EFR3B: variants seen among roughly 807,000 people sequenced by gnomAD.
The protein encoded by EFR3B is EFR3 homolog B.
Under a neutral mutation model 104.7 loss-of-function variants are expected in EFR3B, and 64 were observed. The ratio of observed to expected loss-of-function variants is 0.61; its 90% CI spans 0.50 to 0.75. The LOEUF (loss-of-function observed/expected upper bound fraction) is 0.75. EFR3B is among the 30% of genes least tolerant of loss of function. The pLI is 0.00. For missense variants in EFR3B, 750 were observed against 1,078.5 expected (o/e 0.70, Z 4.27); for synonymous variants, 385 against 417.9 (o/e 0.92, Z 0.96).
In EFR3B at chr2:25,121,538, T is replaced by G. The variant is rs574721347; in HGVS notation, c.364-135T>G. ...GGGAACTCATCTCCCCAGTGTGCTC[T>G]GCAAGGCCGGCCAAGCTGGCTCCAG... On this transcript the variant is annotated intron_variant, in intron 4 of 22. Transcript: ENST00000403714. 4 of 1,100,002 alleles carry G rather than the reference T, an allele frequency of 3.6e-6. No homozygotes were observed. In the African/African-American group the frequency reaches 6.2e-5, roughly 17 times the overall value. 68.1% of individuals were successfully genotyped at this position (1,100,002 alleles called of 1,614,324 possible). A position where few individuals can be genotyped will look rare whatever the true frequency, so the allele number is the denominator to read the frequency against.
intron 18 of EFR3B, 147 bp downstream of exon 18, chr2:25,144,009 G>T: frequency 8.2e-7 from 1 of 1,221,408 alleles, no homozygotes. Flanking sequence ...GGAAATTTAT[G>T]GTGAGGTCCT....
At chr2:25,083,159 G>C (rs1018086694) in intron 1 of EFR3B, among the ~76,000 whole-genome samples, 6 of 152,166 alleles carry the variant, frequency 3.9e-5, no homozygotes, top group African/African-American at 1.4e-4. Context: ...CTTAAAATAG[G>C]TATGAAAATA....
chr2:25,116,707 A>G (rs1432874518), intron 4 of EFR3B, among the ~76,000 whole-genome samples: 1 of 151,730 alleles, frequency 6.6e-6, no homozygotes, highest in Non-Finnish European at 1.5e-5. Flanking sequence ...CCAGGGACTC[A>G]TGGAGCCGCA....
intron 1 of EFR3B, among the ~76,000 whole-genome samples, chr2:25,047,215 A>G (rs541192687): frequency 1.6e-3 from 247 of 152,248 alleles, no homozygotes; most frequent in Non-Finnish European, 2.6e-3. Flanking sequence ...TATGACATCA[A>G]TTACCGCTCT....
intron 1 of EFR3B, among the ~76,000 whole-genome samples, chr2:25,091,081 C>T (rs547876524): frequency 6.6e-6 from 1 of 152,078 alleles, no homozygotes; most frequent in Non-Finnish European, 1.5e-5. Flanking sequence ...CTGTGCCCAA[C>T]CCCCAAGCAA....
rs1403824258 is a variant in EFR3B, at chr2:25,154,216, A to G, written c.2349-19A>G. ...ATTCTCTTTTCATGCCTTTCTCCCC[A>G]TGTGTTCCTGCCCCCTAGGCCCCCA... On this transcript the variant is annotated intron_variant, in intron 22 of 22. Transcript: ENST00000403714. This position sits in a 1 kb window ranked among gnomAD's most constrained non-coding sequence, Gnocchi z 4.1. 1.9e-6 allele frequency: 3 copies of G among 1,550,120 alleles called. No individual in the cohort carries two copies. The highest frequency in any genetic ancestry group is 2.7e-5 in the African/African-American group (2 of 72,978).
intron 1 of EFR3B, among the ~76,000 whole-genome samples, chr2:25,053,590 G>A (rs1190870469): frequency 6.6e-6 from 1 of 152,134 alleles, no homozygotes; most frequent in African/African-American, 2.4e-5. Context: ...CTGCTCTTCT[G>A]ATGGTTTGGG....
chr2:25,143,249 G>C (rs1417312199), intron 17 of EFR3B, among the ~76,000 whole-genome samples: 2 of 152,128 alleles, frequency 1.3e-5, no homozygotes, highest in African/African-American at 4.8e-5. Flanking sequence ...GGATGTGATT[G>C]TTGTACATAA....
intron 10 of EFR3B, among the ~76,000 whole-genome samples, chr2:25,132,685 A>C (rs1670383778): frequency 6.6e-6 from 1 of 151,404 alleles, no homozygotes; most frequent in Non-Finnish European, 1.5e-5. Context: ...CCTCAGGAAC[A>C]AGTGAAAAAA....
chr2:25,146,354 T>C (rs3731634), intron 19 of EFR3B: 4,888 of 152,184 alleles, frequency 0.032, 352 homozygotes, highest in East Asian at 0.31. Flanking sequence ...ACTTCATTTA[T>C]TGGGGCAGAT....
chr2:25,089,861 G>T (rs1669064744), intron 1 of EFR3B, among the ~76,000 whole-genome samples: 1 of 152,022 alleles, frequency 6.6e-6, no homozygotes. Flanking sequence ...TGGTGGAGGG[G>T]ATCACAAATA....
chr2:25,081,590 T>A, intron 1 of EFR3B: 1 of 849,504 alleles, frequency 1.2e-6, no homozygotes. Context: ...AATCCATAAC[T>A]TCCTAGAGCC....
intron 1 of EFR3B, among the ~76,000 whole-genome samples, chr2:25,059,434 A>T (rs1668118038): frequency 6.6e-6 from 1 of 152,138 alleles, no homozygotes; most frequent in African/African-American, 2.4e-5. Context: ...TACAACGTGG[A>T]TGAACCTTGA....
chr2:25,129,111 G>A (rs557224986), intron 6 of EFR3B, among the ~76,000 whole-genome samples: 2 of 149,986 alleles, frequency 1.3e-5, no homozygotes, highest in African/African-American at 4.9e-5. Flanking sequence ...TGACCAGCCC[G>A]CAGCCACTCA....
rs549178397 is a variant in EFR3B at position 25,154,040 on chromosome 2, C to T, written c.2349-195C>T. On this transcript the variant is annotated intron_variant, in intron 22 of 22. Transcript: ENST00000403714. The surrounding 1 kb of genome is among the most constrained non-coding windows in gnomAD (Gnocchi z 4.1). ...ACTTTCTAAAGCAGCAGTGTCACTG[C>T]GGAGCCTGCAGGGAAGCTTGACTCC... 3.3e-5 allele frequency among the ~76,000 whole-genome samples: 5 copies of T among 152,288 alleles called. No homozygotes were observed. The highest frequency in any genetic ancestry group is 3.9e-4 in the East Asian group (2 of 5,186).
chr2:25,080,199 G>A (rs1439940180), intron 1 of EFR3B: 1 of 1,490,950 alleles, frequency 6.7e-7, no homozygotes, highest in Non-Finnish European at 9.1e-7. Flanking sequence ...TATCTGAAGT[G>A]ATAAGCTTAA....
At chr2:25,064,463 C>T (rs1668278555) in intron 1 of EFR3B, among the ~76,000 whole-genome samples, 3 of 152,208 alleles carry the variant, frequency 2.0e-5, no homozygotes. Context: ...TGCCTGCTGA[C>T]CACAATAGGA....
Position 25,042,145 on chromosome 2 carries a change from C to A in EFR3B, c.-168C>A. The stretch of plus-strand genomic sequence containing the variant: ...CGCTGAATGGGCTGGCGGCGCCCGG[C>A]TCCGTCCTGCCCGCGGCCGGCCCCC... On this transcript the variant is annotated 5_prime_UTR_variant, in exon 1 of 23. Coordinates refer to ENST00000403714, the MANE Select transcript of EFR3B (RefSeq NM_014971.2). The surrounding 1 kb of genome is among the most constrained non-coding windows in gnomAD (Gnocchi z 5.4). The A allele has an allele frequency of 1.8e-6, 1 of 567,234 alleles. No homozygotes were observed. 35.1% of individuals were successfully genotyped at this position (567,234 alleles called of 1,614,324 possible). A position where few individuals can be genotyped will look rare whatever the true frequency, so the allele number is the denominator to read the frequency against.
At position 25,058,769 on chromosome 2, in the gene EFR3B, C is replaced by G. The variant is rs576183893; in HGVS notation, c.7+16450C>G. Among the ~76,000 whole-genome samples the G allele has an allele frequency of 1.8e-4, 25 of 137,748 alleles. 1 individual carries two copies. The highest frequency in any genetic ancestry group is 5.8e-4 in the African/African-American group (21 of 36,026). 90.4% of individuals were successfully genotyped at this position (137,748 alleles called of 152,430 possible). On this transcript the variant is annotated intron_variant, in intron 1 of 22. Coordinates refer to ENST00000403714, the MANE Select transcript of EFR3B (RefSeq NM_014971.2). ...GTGAGACTCTGTCTCCCCGCGCCCCCCCCCCCAAAAAAAAAAACAATAACC... is the reference window on the plus strand; with the variant it reads ...GTGAGACTCTGTCTCCCCGCGCCCCGCCCCCCAAAAAAAAAAACAATAACC...
Sources: allele counts gnomAD v4.1 joint callset (sites outside exome capture counted in the v4.1 genomes callset), GRCh38; gene constraint gnomAD v4.1.1; non-coding constraint Gnocchi (gnomAD v3.1); transcripts MANE v1.5; gene names NCBI Gene and HGNC (gene_info 2026-07-23, HGNC 2026-07-21).